The following MYO1E variants were observed in gnomAD, a reference collection of about 807,000 sequenced individuals.
MYO1E encodes unconventional myosin-Ie.
MYO1E carries 68 observed loss-of-function variants against 151.1 expected under a neutral mutation model. The ratio of observed to expected loss-of-function variants is 0.45; its 90% CI spans 0.37 to 0.55. The LOEUF is 0.55. Ranked by LOEUF, MYO1E falls within the 20% of genes least tolerant of loss-of-function variation. MYO1E has a pLI of 0.00. For missense variants in MYO1E, 1,363 were observed against 1,389.3 expected (o/e 0.98, Z 0.30); for synonymous variants, 601 against 501.7 (o/e 1.20, Z -2.64).
intron 1 of MYO1E, among the ~76,000 whole-genome samples, chr15:59,326,550 T>G (rs2140420405): frequency 6.6e-6 from 1 of 152,322 alleles, no homozygotes; most frequent in East Asian, 1.9e-4. Flanking sequence ...GTGGTCAGTC[T>G]GAACCCATTT....
Position 59,326,936 on chromosome 15 carries a change from C to T in MYO1E, c.3+45562G>A, listed in dbSNP as rs112041964. ...TATGTAAAAAGGTTTTATAAAACAG[C>T]AAGTCAGGGAACCACTCAGGGAACA... On this transcript the variant is annotated intron_variant, in intron 1 of 27. Transcript: ENST00000288235. Among the ~76,000 whole-genome samples the T allele has an allele frequency of 4.1e-3, 624 of 152,272 alleles. 5 individuals are homozygous for T. The highest frequency in any genetic ancestry group is 0.012 in the African/African-American group (504 of 41,546).
At chr15:59,302,418 G>C (rs1376161027) in intron 1 of MYO1E, among the ~76,000 whole-genome samples, 2 of 152,300 alleles carry the variant, frequency 1.3e-5, no homozygotes, top group East Asian at 3.9e-4. Flanking sequence ...CCAGTATTTA[G>C]AAGTCAGAAC....
chr15:59,151,449 C>G (rs1439324964), intron 26 of MYO1E, among the ~76,000 whole-genome samples: 1 of 151,870 alleles, frequency 6.6e-6, no homozygotes, highest in Non-Finnish European at 1.5e-5. Context: ...AAAACCCCCC[C>G]CAAAAAAACC....
intron 1 of MYO1E, among the ~76,000 whole-genome samples, chr15:59,322,765 T>G (rs984622827): frequency 1.3e-5 from 2 of 151,954 alleles, no homozygotes; most frequent in Non-Finnish European, 2.9e-5. Flanking sequence ...AGTTTGTTTG[T>G]TTTTTTTCCA....
Position 59,188,165 on chromosome 15 carries a change from T to C in MYO1E, c.1857A>G (p.Arg619=). The change falls in exon 18 of 28, where the codon AGA becomes AGG. Residue 619 remains arginine, a synonymous_variant. Transcript: ENST00000288235. ...YLGLKENIRV[R]RAGYAYRRIF... ...TGCGCCGATAGGCATAGCCAGCTCT[T>C]CTCACTCGAATGTTCTCTTTCAGAC... 6.2e-7 allele frequency: 1 copy of C among 1,614,180 alleles called. No homozygotes were observed. Among genetic ancestry groups the C allele is most frequent in the Non-Finnish European group, 8.5e-7 (1 of 1,180,022 alleles).
chr15:59,231,333 G>C (rs776626664), intron 6 of MYO1E, among the ~76,000 whole-genome samples: 15 of 152,202 alleles, frequency 9.9e-5, no homozygotes, highest in Non-Finnish European at 2.1e-4. Flanking sequence ...ACCACTGCCA[G>C]TGGGAAATGA....
chr15:59,282,541 T>A (rs1467596134), intron 1 of MYO1E, among the ~76,000 whole-genome samples: 2 of 152,018 alleles, frequency 1.3e-5, no homozygotes, highest in Non-Finnish European at 2.9e-5. Flanking sequence ...CTATCTCTGA[T>A]CCTCACCAAA....
intron 21 of MYO1E, among the ~76,000 whole-genome samples, chr15:59,172,725 G>C (rs1261748622): frequency 6.6e-6 from 1 of 152,148 alleles, no homozygotes; most frequent in Non-Finnish European, 1.5e-5. Context: ...ATTTTCTTGG[G>C]AGTTCATAAA....
intron 2 of MYO1E, among the ~76,000 whole-genome samples, chr15:59,270,342 A>C (rs2080281860): frequency 6.6e-6 from 1 of 152,042 alleles, no homozygotes; most frequent in African/African-American, 2.4e-5. Context: ...GCTTGAGCTC[A>C]AGAGTTTGAG....
At chr15:59,273,230 G>C (rs1183190802) in intron 1 of MYO1E, among the ~76,000 whole-genome samples, 1 of 152,184 alleles carries the variant, frequency 6.6e-6, no homozygotes, top group Admixed American at 6.5e-5. Context: ...CTTCACACCA[G>C]GGGCGGCCTC....
intron 1 of MYO1E, among the ~76,000 whole-genome samples, chr15:59,364,589 GC>G (rs1160830472): frequency 6.6e-6 from 1 of 152,132 alleles, no homozygotes; most frequent in East Asian, 1.9e-4. Flanking sequence ...TTGTATATTT[GC>G]CCCATAATTA....
At position 59,136,666 on chromosome 15, in the gene MYO1E, C is replaced by CTTG; in HGVS notation, c.*711_*713dup. The stretch of plus-strand genomic sequence containing the variant: ...ATGTACAGCTTGAAAAAAGATCCTT[C>CTTG]TTGTAGTAAGTACAGCATTTAAACA... On this transcript the variant is annotated 3_prime_UTR_variant, in exon 28 of 28. Coordinates refer to ENST00000288235, the MANE Select transcript of MYO1E (RefSeq NM_004998.4). The CTTG allele has an allele frequency of 6.6e-6, 3 of 456,408 alleles. No individual in the cohort carries two copies. The highest frequency in any genetic ancestry group is 6.5e-4 in the Middle Eastern group (2 of 3,066). 28.3% of individuals were successfully genotyped at this position (456,408 alleles called of 1,614,324 possible).
At chr15:59,245,863 T>C (rs935434771) in intron 4 of MYO1E, among the ~76,000 whole-genome samples, 1 of 152,254 alleles carries the variant, frequency 6.6e-6, no homozygotes, top group Non-Finnish European at 1.5e-5. Flanking sequence ...GGAGAGATGG[T>C]AGAGATCATG....
chr15:59,250,555 C>T (rs551352923), intron 4 of MYO1E, among the ~76,000 whole-genome samples: 5 of 152,184 alleles, frequency 3.3e-5, no homozygotes, highest in East Asian at 3.9e-4. Flanking sequence ...TTTGCCAGAA[C>T]GAAACTGTAA....
At chr15:59,242,679 G>C (rs965400306) in intron 4 of MYO1E, among the ~76,000 whole-genome samples, 1 of 152,120 alleles carries the variant, frequency 6.6e-6, no homozygotes, top group Non-Finnish European at 1.5e-5. Flanking sequence ...ATGTGGAGAA[G>C]GATGTTGTCA....
intron 12 of MYO1E, 27 bp downstream of exon 12, chr15:59,214,201 T>A (rs2079899116): frequency 6.5e-7 from 1 of 1,545,256 alleles, no homozygotes; most frequent in Non-Finnish European, 8.9e-7. Flanking sequence ...ATAAATAGAA[T>A]AGGATGAAGG....
rs772676497 is a variant in MYO1E at position 59,214,715 on chromosome 15, G to C, written c.1113C>G (p.Ile371Met). The change falls in exon 11 of 28, where the codon ATC becomes ATG. Residue 371 changes from isoleucine (I) to methionine (M), a missense_variant. By Grantham distance (10) the Ile-to-Met change is conservative. Coordinates refer to ENST00000288235, the MANE Select transcript of MYO1E (RefSeq NM_004998.4). ...CATGGTCTTTCTCCATGGCTTTATT[G>C]ATGGACTAGAGAAAGTAAACAGCAT... is the stretch of plus-strand genomic sequence containing the variant. ...ARVFDFLVDSINKAMEKDHEE... is the reference protein window; with the variant it reads ...ARVFDFLVDSMNKAMEKDHEE... 1.2e-6 allele frequency: 2 copies of C among 1,611,758 alleles called. No homozygotes were observed. Among genetic ancestry groups the C allele is most frequent in the African/African-American group, 2.7e-5 (2 of 74,824 alleles).
Position 59,168,992 on chromosome 15 carries a change from C to G in MYO1E, c.2480+2905G>C, listed in dbSNP as rs546083835. Among the ~76,000 whole-genome samples the G allele has an allele frequency of 1.1e-4, 16 of 152,320 alleles. 1 individual carries two copies. The South Asian group carries it at 2.9e-3, about 28-fold the overall frequency. On this transcript the variant is annotated intron_variant, in intron 22 of 27. Coordinates refer to ENST00000288235, the MANE Select transcript of MYO1E (RefSeq NM_004998.4). ...AGTCTCTTTATATTAAAATTAACCA[C>G]AAAACATTATCATACCTACAGAAAT...
intron 12 of MYO1E, among the ~76,000 whole-genome samples, chr15:59,213,654 TC>T (rs1205938352): frequency 6.6e-6 from 1 of 150,960 alleles, no homozygotes; most frequent in South Asian, 2.1e-4. Flanking sequence ...ATGGATGGGG[TC>T]TCATTTTGTC....
Sources: gnomAD v4.1 joint callset for allele counts (sites outside exome capture counted in the v4.1 genomes callset) on GRCh38, gnomAD v4.1.1 for gene constraint, MANE v1.5 for transcripts, NCBI Gene and HGNC (gene_info 2026-07-23, HGNC 2026-07-21) for gene names.